The following MAP3K15 variants were observed in gnomAD, a reference collection of about 807,000 sequenced individuals.
MAP3K15 encodes MAPK/ERK kinase kinase 15.
In MAP3K15, 124 loss-of-function variants were observed where a neutral mutation model predicts 99.5. The observed-to-expected ratio is 1.25, with a 90% CI of 1.08 to 1.45. The LOEUF (loss-of-function observed/expected upper bound fraction) is 1.45. Among genes scored for constraint, MAP3K15 ranks in the 40% most tolerant of loss-of-function variants. The pLI is 0.00. For synonymous variants in MAP3K15, 494 were observed against 439.6 expected (o/e 1.12, Z -1.55); for missense variants, 1,242 against 1,079.7 (o/e 1.15, Z -2.11).
chrX:19,413,328 TTA>T (rs753792109), intron 11 of MAP3K15, 27 bp downstream of exon 11: 62 of 1,108,764 alleles, frequency 5.6e-5, no homozygotes, highest in Non-Finnish European at 7.6e-5. Flanking sequence ...TGAAAACTGA[TTA>T]AATTGCTTGT....
chrX:19,498,146 T>C (rs773884072), intron 1 of MAP3K15, among the ~76,000 whole-genome samples: 1 of 112,559 alleles, frequency 8.9e-6, no homozygotes, highest in East Asian at 2.7e-4. Context: ...ATATATTTCC[T>C]AATGTAGTTA....
intron 24 of MAP3K15, 60 bp from the exon 25 acceptor site, chrX:19,369,279 G>A (rs911995728): frequency 1.5e-5 from 18 of 1,174,642 alleles, no homozygotes; most frequent in African/African-American, 3.5e-5. Context: ...GCCTGGGGTC[G>A]CAGACACCCA....
At chrX:19,381,504 G>T (rs1054183746) in intron 18 of MAP3K15, among the ~76,000 whole-genome samples, 1 of 112,282 alleles carries the variant, frequency 8.9e-6, no homozygotes, top group Non-Finnish European at 1.9e-5. Flanking sequence ...GTTGGTAGCC[G>T]GGGCTGTCAG....
chrX:19,390,503 ATATAT>A (rs972805401), intron 18 of MAP3K15, among the ~76,000 whole-genome samples: 3 of 102,989 alleles, frequency 2.9e-5, no homozygotes, highest in Non-Finnish European at 5.8e-5. Flanking sequence ...TGTTATATAC[ATATAT>A]TATATATAAT....
At chrX:19,473,440 C>A (rs2064220539) in intron 3 of MAP3K15, among the ~76,000 whole-genome samples, 1 of 112,339 alleles carries the variant, frequency 8.9e-6, no homozygotes, top group Non-Finnish European at 1.9e-5. Context: ...TGTTCAATAG[C>A]AAACTAGGAT....
chrX:19,431,181 G>A (rs1012251370), intron 7 of MAP3K15, among the ~76,000 whole-genome samples: 7 of 111,638 alleles, frequency 6.3e-5, no homozygotes, highest in African/African-American at 2.3e-4. Context: ...GTGGGAGCTC[G>A]GAAGGAGTGT....
chrX:19,366,644 GC>G (rs1458132171), intron 25 of MAP3K15, among the ~76,000 whole-genome samples: 7 of 111,905 alleles, frequency 6.3e-5, no homozygotes, highest in Non-Finnish European at 9.4e-5. Context: ...TGTAAGACGT[GC>G]CTTTTACCTT....
In MAP3K15 at chrX:19,452,848, A is replaced by ATT. The variant is rs1009019701; in HGVS notation, c.995+4063_995+4064dup. The stretch of plus-strand genomic sequence containing the variant: ...TAAAACATTATGAGGTTTTCTTGCA[A>ATT]TTTTTTTTTTTTTAGCTCATCAGCA... On this transcript the variant is annotated intron_variant, in intron 6 of 28. Transcript: ENST00000338883. 1.9e-3 allele frequency among the ~76,000 whole-genome samples: 197 copies of ATT among 104,918 alleles called. 2 individuals carry two copies. The highest frequency in any genetic ancestry group is 6.4e-3 in the African/African-American group (187 of 29,134). The allele number at this position is 104,918 out of a possible 115,157, so 91.1% of individuals were successfully genotyped here.
chrX:19,433,048 T>G lies in MAP3K15; in HGVS notation c.996-1440A>C, dbSNP rs1376175400. Among the ~76,000 whole-genome samples, 4 of 111,858 alleles carry G rather than the reference T, an allele frequency of 3.6e-5. No homozygotes were observed. The East Asian group carries it at 1.1e-3, about 31-fold the overall frequency. On this transcript the variant is annotated intron_variant, in intron 6 of 28. Transcript: ENST00000338883. ...GCTTTTAAAGATACACACTTAAATA[T>G]CTGGGGATAAAATGGTATGTCTTTG...
intron 28 of MAP3K15, 125 bp from the exon 29 acceptor site, chrX:19,360,958 C>T (rs754247336): frequency 6.1e-6 from 3 of 488,361 alleles, no homozygotes; most frequent in East Asian, 3.7e-5. Context: ...AGGTGACGCT[C>T]GTGTCCCAGC....
chrX:19,402,284 ACT>A (rs2063614644), intron 13 of MAP3K15, among the ~76,000 whole-genome samples: 1 of 108,956 alleles, frequency 9.2e-6, no homozygotes, highest in Non-Finnish European at 1.9e-5. Flanking sequence ...AAAGAGCAAG[ACT>A]CTGTCTCAAC....
chrX:19,475,323 G>C (rs1224629713), intron 3 of MAP3K15, among the ~76,000 whole-genome samples: 1 of 111,142 alleles, frequency 9.0e-6, no homozygotes, highest in African/African-American at 3.3e-5. Context: ...CGTTCGGGCG[G>C]TAATGCGAGC....
At chrX:19,408,635 A>G (rs985459120) in intron 12 of MAP3K15, 2 of 108,465 alleles carry the variant, frequency 1.8e-5, no homozygotes, top group African/African-American at 3.6e-5. Context: ...CCTGGGTGAC[A>G]GAGCAAGACA....
chrX:19,435,948 G>A (rs1040941461), intron 6 of MAP3K15, among the ~76,000 whole-genome samples: 4 of 111,833 alleles, frequency 3.6e-5, no homozygotes, highest in African/African-American at 1.3e-4. Context: ...GAGGTCAGGA[G>A]TTCGAGACCA....
At chrX:19,482,537 T>A (rs752780608) in intron 3 of MAP3K15, among the ~76,000 whole-genome samples, 7 of 111,685 alleles carry the variant, frequency 6.3e-5, no homozygotes, top group Non-Finnish European at 9.4e-5. Context: ...ACATGAGAAG[T>A]CTTGAAAAGG....
At chrX:19,441,747 T>G (rs1032075747) in intron 6 of MAP3K15, among the ~76,000 whole-genome samples, 22 of 112,014 alleles carry the variant, frequency 2.0e-4, no homozygotes, top group African/African-American at 6.8e-4. Context: ...TGTGAGCCAA[T>G]GCATCCAGCC....
chrX:19,392,197 T>C, intron 17 of MAP3K15, 90 bp from the exon 18 acceptor site: 1 of 1,039,521 alleles, frequency 9.6e-7, no homozygotes, highest in Admixed American at 2.4e-5. Flanking sequence ...CCGTCACAAG[T>C]CTCTAGGAAA....
intron 1 of MAP3K15, among the ~76,000 whole-genome samples, chrX:19,504,789 C>A (rs1052828499): frequency 3.6e-5 from 4 of 110,061 alleles, no homozygotes; most frequent in Non-Finnish European, 5.7e-5. Flanking sequence ...CAAGGCAAAA[C>A]CTTGTCTGTA....
chrX:19,486,878 C>A (rs936012349), intron 2 of MAP3K15, among the ~76,000 whole-genome samples: 1 of 110,690 alleles, frequency 9.0e-6, no homozygotes, highest in Non-Finnish European at 1.9e-5. Flanking sequence ...AGAATGTCGG[C>A]GATAGCAAGA....
Sources: allele counts gnomAD v4.1 joint callset (sites outside exome capture counted in the v4.1 genomes callset), GRCh38; gene constraint gnomAD v4.1.1; transcripts MANE v1.5; gene names NCBI Gene and HGNC (gene_info 2026-07-23, HGNC 2026-07-21).